The following REV3L variants were observed in gnomAD, a reference collection of about 807,000 sequenced individuals.
The protein encoded by REV3L is DNA polymerase zeta catalytic subunit.
REV3L carries 69 observed loss-of-function variants against 299.4 expected under a neutral mutation model. The observed-to-expected ratio is 0.23, with a 90% CI of 0.19 to 0.28. The LOEUF is 0.28. Ranked by LOEUF, REV3L falls within the 10% of genes least tolerant of loss-of-function variation. REV3L has a pLI of 1.00. For synonymous variants in REV3L, 1,238 were observed against 1,271.4 expected, an observed-to-expected ratio of 0.97 and a Z score of 0.56; for missense variants, 3,128 against 3,693.8, an observed-to-expected ratio of 0.85 and a Z score of 3.97.
intron 3 of REV3L, among the ~76,000 whole-genome samples, chr6:111,406,295 G>A (rs1034999190): frequency 3.3e-5 from 5 of 152,100 alleles, no homozygotes; most frequent in Admixed American, 6.6e-5. Flanking sequence ...GAGAAAACAC[G>A]GCTTATTCAG....
At chr6:111,369,163 T>C (rs562986037) in intron 13 of REV3L, among the ~76,000 whole-genome samples, 3 of 150,838 alleles carry the variant, frequency 2.0e-5, no homozygotes, top group Admixed American at 6.6e-5. Context: ...GAATAAAAAA[T>C]GGTGAGGTGT....
chr6:111,435,132 A>G (rs1382429354), intron 1 of REV3L, among the ~76,000 whole-genome samples: 1 of 152,162 alleles, frequency 6.6e-6, no homozygotes, highest in Non-Finnish European at 1.5e-5. Context: ...GCCTGAGACC[A>G]GAAGTCAAGG....
rs968352603 is a variant in REV3L, at chr6:111,389,222, A to C, written c.758-12T>G. On this transcript the variant is annotated splice_polypyrimidine_tract_variant and intron_variant, in intron 6 of 31. Transcript: ENST00000368802. ...TCCACCAATTTGAGCTGTAATCACA[A>C]TAATACTTCAATACTACAGGGTCAA... 1 of 1,587,294 alleles carries C rather than the reference A, an allele frequency of 6.3e-7. No homozygotes were observed. The highest frequency in any genetic ancestry group is 1.7e-5 in the Admixed American group (1 of 59,662).
In REV3L at chr6:111,417,890, T is replaced by C. The variant is rs575459338; in HGVS notation, c.140-1418A>G. Among the ~76,000 whole-genome samples, 25 of 152,342 alleles carry C rather than the reference T, an allele frequency of 1.6e-4. No individual in the cohort carries two copies. In the South Asian group the frequency reaches 4.8e-3, roughly 29 times the overall value. On this transcript the variant is annotated intron_variant, in intron 1 of 31. Coordinates refer to ENST00000368802, the MANE Select transcript of REV3L (RefSeq NM_001372078.1). Reference sequence around the variant, plus strand: ...GTCGTGCTTTTGAAAAATTACAAATTGTGTTGCTGTTATACAAATTTCAGT... The same window carrying C: ...GTCGTGCTTTTGAAAAATTACAAATCGTGTTGCTGTTATACAAATTTCAGT...
intron 1 of REV3L, among the ~76,000 whole-genome samples, chr6:111,429,778 G>C (rs1181765552): frequency 6.6e-6 from 1 of 152,108 alleles, no homozygotes; most frequent in African/African-American, 2.4e-5. Context: ...CGCACTGCCT[G>C]GGCCTGGCGC....
chr6:111,437,597 C>T (rs1787714840), intron 1 of REV3L, among the ~76,000 whole-genome samples: 2 of 151,422 alleles, frequency 1.3e-5, no homozygotes, highest in South Asian at 4.2e-4. Flanking sequence ...CACAAAAAAT[C>T]ACATATTATA....
intron 1 of REV3L, among the ~76,000 whole-genome samples, chr6:111,469,871 T>C (rs898922341): frequency 2.1e-4 from 32 of 152,190 alleles, no homozygotes; most frequent in African/African-American, 7.5e-4. Context: ...CACAGCACTA[T>C]GTTTTGGGGA....
At chr6:111,326,384 A>C (rs1207260605) in intron 25 of REV3L, among the ~76,000 whole-genome samples, 1 of 152,078 alleles carries the variant, frequency 6.6e-6, no homozygotes, top group Non-Finnish European at 1.5e-5. Flanking sequence ...AATTAGAGAA[A>C]TGCAAATCAA....
chr6:111,467,126 T>G (rs1325308346), intron 1 of REV3L, among the ~76,000 whole-genome samples: 1 of 152,218 alleles, frequency 6.6e-6, no homozygotes, highest in Non-Finnish European at 1.5e-5. Context: ...GGTAAAATTA[T>G]ATAAGAAGAA....
Position 111,375,460 on chromosome 6 carries a change from T to G in REV3L, c.2895A>C (p.Arg965Ser). ...CAGGGGGCAGCTTTTTAGACATTTTTCTTCGTTTTCGGGATTTGAGAGTTC... is the reference window on the plus strand; with the variant it reads ...CAGGGGGCAGCTTTTTAGACATTTTGCTTCGTTTTCGGGATTTGAGAGTTC... ...LDGTLKSRKR[R>S]KMSKKLPPVI... Residue 965 changes from arginine (R) to serine (S), a missense_variant, in exon 13 of 32, where the codon AGA becomes AGC. Transcript: ENST00000368802. 6.2e-7 allele frequency: 1 copy of G among 1,602,572 alleles called. No individual in the cohort carries two copies.
At chr6:111,341,139 C>CG (rs574771156) in intron 21 of REV3L, among the ~76,000 whole-genome samples, 149 of 150,328 alleles carry the variant, frequency 9.9e-4, no homozygotes, top group Non-Finnish European at 1.7e-3. Flanking sequence ...CTCCTGCTCC[C>CG]GGGTTCAAGT....
At position 111,424,021 on chromosome 6, in the gene REV3L, G is replaced by A. The variant is rs533037992; in HGVS notation, c.140-7549C>T. On this transcript the variant is annotated intron_variant, in intron 1 of 31. Transcript: ENST00000368802. ...GCTAGAGAAGAAGACAGATTTGCCA[G>A]TATGAGCAACAATTGGGTAAGATTT... Among the ~76,000 whole-genome samples the A allele has an allele frequency of 2.1e-4, 32 of 152,298 alleles. No individual in the cohort carries two copies. The South Asian group carries it at 6.4e-3, about 31-fold the overall frequency.
intron 1 of REV3L, among the ~76,000 whole-genome samples, chr6:111,435,725 TG>T (rs2128303114): frequency 6.6e-6 from 1 of 152,188 alleles, no homozygotes; most frequent in South Asian, 2.1e-4. Flanking sequence ...AAGAAAACAT[TG>T]GGGAAATGCT....
At chr6:111,313,877 C>A (rs1181242806) in intron 27 of REV3L, among the ~76,000 whole-genome samples, 1 of 152,214 alleles carries the variant, frequency 6.6e-6, no homozygotes, top group Non-Finnish European at 1.5e-5. Context: ...ATGATTGCAG[C>A]CCCATGTCTG....
intron 1 of REV3L, among the ~76,000 whole-genome samples, chr6:111,440,148 C>A (rs1583001396): frequency 6.6e-6 from 1 of 152,194 alleles, no homozygotes; most frequent in East Asian, 1.9e-4. Flanking sequence ...CTCACTGCAA[C>A]CACCGCCTCC....
chr6:111,443,806 T>A (rs1788543748), intron 1 of REV3L, among the ~76,000 whole-genome samples: 2 of 152,256 alleles, frequency 1.3e-5, no homozygotes, highest in African/African-American at 4.8e-5. Flanking sequence ...AGCTTAACAT[T>A]CAGCCATAGG....
At chr6:111,303,612 C>T (rs1468929420) in intron 31 of REV3L, among the ~76,000 whole-genome samples, 2 of 146,690 alleles carry the variant, frequency 1.4e-5, no homozygotes, top group Admixed American at 6.9e-5. Flanking sequence ...AGTGATCCTC[C>T]TGCCTCAGCC....
At chr6:111,349,402 G>A in intron 19 of REV3L, 66 bp from the exon 20 acceptor site, 1 of 717,886 alleles carries the variant, frequency 1.4e-6, no homozygotes, top group African/African-American at 1.8e-5. Context: ...AATTATGCCA[G>A]GGAAAATGAG....
chr6:111,320,992 G>C (rs1774113042), intron 26 of REV3L, among the ~76,000 whole-genome samples: 1 of 152,156 alleles, frequency 6.6e-6, no homozygotes, highest in South Asian at 2.1e-4. Flanking sequence ...GTGATCAAAA[G>C]TTTTAATGAC....
Sources: gnomAD v4.1 joint callset for allele counts (sites outside exome capture counted in the v4.1 genomes callset) on GRCh38, gnomAD v4.1.1 for gene constraint, MANE v1.5 for transcripts, NCBI Gene and HGNC (gene_info 2026-07-23, HGNC 2026-07-21) for gene names.